Variants in CDK6 observed in about 807,000 individuals in gnomAD.
CDK6 encodes the protein cyclin dependent kinase 6.
In CDK6, 6 loss-of-function variants were observed where a neutral mutation model predicts 37.1. The ratio of observed to expected loss-of-function variants is 0.16; its 90% CI spans 0.09 to 0.32. CDK6 has a LOEUF of 0.32. Among genes scored for constraint, CDK6 ranks in the 10% least tolerant of loss-of-function variants. The pLI is 1.00. For missense variants in CDK6, 224 were observed against 418.9 expected (o/e 0.53, Z 4.06); for synonymous variants, 160 against 161.3 (o/e 0.99, Z 0.06).
intron 5 of CDK6, among the ~76,000 whole-genome samples, chr7:92,636,694 T>A (rs146067330): frequency 2.6e-5 from 4 of 152,278 alleles, no homozygotes; most frequent in African/African-American, 9.6e-5. Context: ...CTTCTTCCCC[T>A]GAGACGGAGT....
chr7:92,685,647 T>TG (rs1221701290), intron 4 of CDK6, among the ~76,000 whole-genome samples: 1 of 152,170 alleles, frequency 6.6e-6, no homozygotes, highest in Non-Finnish European at 1.5e-5. Context: ...CCCAACAGAC[T>TG]GGACTAAAAG....
At chr7:92,796,034 A>G (rs1166098387) in intron 2 of CDK6, among the ~76,000 whole-genome samples, 3 of 151,688 alleles carry the variant, frequency 2.0e-5, no homozygotes, top group African/African-American at 7.3e-5. Context: ...ACACAGAGCA[A>G]TGCTACCTAA....
intron 4 of CDK6, among the ~76,000 whole-genome samples, chr7:92,724,254 T>C (rs1464616886): frequency 1.3e-5 from 2 of 152,198 alleles, no homozygotes; most frequent in Non-Finnish European, 2.9e-5. Flanking sequence ...TGCTTGACCG[T>C]GCTCAAAGCT....
chr7:92,805,652 C>A (rs1467995973), intron 2 of CDK6, among the ~76,000 whole-genome samples: 1 of 152,144 alleles, frequency 6.6e-6, no homozygotes, highest in African/African-American at 2.4e-5. Flanking sequence ...CTTCAAAAGG[C>A]TTAGTAAAAC....
rs1795480585 is a variant in CDK6 at position 92,608,422 on chromosome 7, G to C, written c.*6718C>G. The C allele has an allele frequency of 1.3e-5, 3 of 230,862 alleles. No individual in the cohort carries two copies. In the East Asian group the frequency reaches 1.9e-4, roughly 14 times the overall value. 14.3% of individuals were successfully genotyped at this position (230,862 alleles called of 1,614,324 possible). A position where few individuals can be genotyped will look rare whatever the true frequency, so the allele number is the denominator to read the frequency against. The stretch of plus-strand genomic sequence containing the variant: ...GAATTGAGAGCTTTTGCCAACTGAA[G>C]ACGAAGCAGAAAATAAACTTTTCAA... On this transcript the variant is annotated 3_prime_UTR_variant, in exon 8 of 8. Coordinates refer to ENST00000424848, the MANE Select transcript of CDK6 (RefSeq NM_001145306.2).
chr7:92,761,466 C>T (rs2115725875), intron 3 of CDK6, among the ~76,000 whole-genome samples: 1 of 152,264 alleles, frequency 6.6e-6, no homozygotes, highest in East Asian at 1.9e-4. Flanking sequence ...ACTCAGCTGT[C>T]TTCTTTTCTA....
At chr7:92,623,433 G>A (rs1240160071) in intron 5 of CDK6, among the ~76,000 whole-genome samples, 6 of 152,100 alleles carry the variant, frequency 3.9e-5, no homozygotes, top group African/African-American at 1.4e-4. Context: ...TCCTAGTCTC[G>A]AACCATAAAT....
chr7:92,672,156 T>C (rs1352421406), intron 4 of CDK6, among the ~76,000 whole-genome samples: 3 of 105,718 alleles, frequency 2.8e-5, no homozygotes, highest in South Asian at 3.8e-4. Context: ...TATATATATA[T>C]ATATACACAT....
chr7:92,813,958 A>C (rs1251305582), intron 2 of CDK6, among the ~76,000 whole-genome samples: 1 of 152,220 alleles, frequency 6.6e-6, no homozygotes, highest in African/African-American at 2.4e-5. Context: ...AGTAAACTTG[A>C]GTATCCCGCA....
intron 2 of CDK6, among the ~76,000 whole-genome samples, chr7:92,810,023 T>C (rs1442209068): frequency 6.6e-6 from 1 of 152,224 alleles, no homozygotes; most frequent in African/African-American, 2.4e-5. Flanking sequence ...TGCCACCAAG[T>C]TGAGAAGCAG....
Position 92,625,603 on chromosome 7 carries a change from G to T in CDK6, c.648-2517C>A, listed in dbSNP as rs146603468. Among the ~76,000 whole-genome samples the T allele has an allele frequency of 1.8e-3, 266 of 151,562 alleles. 2 individuals are homozygous for T. Among genetic ancestry groups the T allele is most frequent in the African/African-American group, 6.2e-3 (257 of 41,372 alleles). On this transcript the variant is annotated intron_variant, in intron 5 of 7. Coordinates refer to ENST00000424848, the MANE Select transcript of CDK6 (RefSeq NM_001145306.2). ...CCTCACCAAGTATTTAAGTCTATCAGTGAGATAAATTTTCTCAGGTCAAAT... is the reference window on the plus strand; with the variant it reads ...CCTCACCAAGTATTTAAGTCTATCATTGAGATAAATTTTCTCAGGTCAAAT...
At chr7:92,802,568 G>A (rs1013651955) in intron 2 of CDK6, among the ~76,000 whole-genome samples, 11 of 152,036 alleles carry the variant, frequency 7.2e-5, no homozygotes, top group East Asian at 1.9e-4. Flanking sequence ...GCTCGTTTAC[G>A]GTACAAGCAG....
intron 2 of CDK6, among the ~76,000 whole-genome samples, chr7:92,797,161 T>A (rs1038310770): frequency 6.6e-6 from 1 of 152,162 alleles, no homozygotes; most frequent in African/African-American, 2.4e-5. Flanking sequence ...AGTTTGTGAA[T>A]GAAACTTCCT....
At chr7:92,761,732 A>G (rs1259849146) in intron 3 of CDK6, among the ~76,000 whole-genome samples, 1 of 152,242 alleles carries the variant, frequency 6.6e-6, no homozygotes, top group Non-Finnish European at 1.5e-5. Flanking sequence ...AAATAAAGTA[A>G]GAAGTCCAGT....
intron 2 of CDK6, among the ~76,000 whole-genome samples, chr7:92,791,803 A>G (rs1800287628): frequency 6.6e-6 from 1 of 152,130 alleles, no homozygotes; most frequent in Admixed American, 6.6e-5. Context: ...AGCATGTCCA[A>G]AGGTATGTAG....
intron 3 of CDK6, among the ~76,000 whole-genome samples, chr7:92,766,665 T>C (rs530440223): frequency 9.2e-5 from 14 of 152,202 alleles, no homozygotes; most frequent in Non-Finnish European, 1.9e-4. Flanking sequence ...CCAAGGAGTT[T>C]AGCACAGGCT....
At position 92,833,355 on chromosome 7, in the gene CDK6, T is replaced by C. The variant is rs984034797; in HGVS notation, c.-32A>G. ...TGGACGCCGCCCGCCGCGGCGCCGCTGGGGCGGGCGGGGGGTGCGCTCAAC... is the reference window on the plus strand; with the variant it reads ...TGGACGCCGCCCGCCGCGGCGCCGCCGGGGCGGGCGGGGGGTGCGCTCAAC... On this transcript the variant is annotated 5_prime_UTR_variant, in exon 2 of 8. Coordinates refer to ENST00000424848, the MANE Select transcript of CDK6 (RefSeq NM_001145306.2). This position sits in a 1 kb window ranked among gnomAD's most constrained non-coding sequence, Gnocchi z 6.1. 23 of 1,473,540 alleles carry C rather than the reference T, an allele frequency of 1.6e-5. No homozygotes were observed. Among genetic ancestry groups the C allele is most frequent in the African/African-American group, 8.6e-5 (6 of 69,908 alleles). 91.3% of individuals were successfully genotyped at this position (1,473,540 alleles called of 1,614,324 possible).
At chr7:92,725,029 G>T in intron 4 of CDK6, 1 of 985,128 alleles carries the variant, frequency 1.0e-6, no homozygotes, top group Non-Finnish European at 1.2e-6. Context: ...AAAGAAACAG[G>T]GTATCATAAC....
At chr7:92,726,611 A>G (rs1798518503) in intron 3 of CDK6, among the ~76,000 whole-genome samples, 1 of 151,810 alleles carries the variant, frequency 6.6e-6, no homozygotes, top group Non-Finnish European at 1.5e-5. Flanking sequence ...CGATCTCACT[A>G]TGTTGCCCAG....
Sources: allele counts gnomAD v4.1 joint callset (sites outside exome capture counted in the v4.1 genomes callset), GRCh38; gene constraint gnomAD v4.1.1; non-coding constraint Gnocchi (gnomAD v3.1); transcripts MANE v1.5; gene names NCBI Gene and HGNC (gene_info 2026-07-23, HGNC 2026-07-21).